The following WDFY3 variants were observed in gnomAD, a reference collection of about 807,000 sequenced individuals.
The protein encoded by WDFY3 is WD repeat and FYVE domain containing 3.
A neutral mutation model predicts 409.6 loss-of-function variants in WDFY3; 66 were observed. The observed-to-expected ratio is 0.16, with a 90% CI of 0.13 to 0.20. The LOEUF (loss-of-function observed/expected upper bound fraction) is 0.20. WDFY3 is among the 10% of genes least tolerant of loss of function. The probability of loss-of-function intolerance (pLI) is 1.00; values close to 1 mark genes in which losing one functional copy is unlikely to be tolerated. For missense variants in WDFY3, 3,031 were observed against 4,298.1 expected (o/e 0.71, Z 8.24); for synonymous variants, 1,521 against 1,537.1 (o/e 0.99, Z 0.25).
chr4:84,734,923 C>G, intron 43 of WDFY3, 120 bp downstream of exon 43: 1 of 769,274 alleles, frequency 1.3e-6, no homozygotes, highest in South Asian at 1.8e-5. Flanking sequence ...AAACCATCAT[C>G]TGATGACGAA....
chr4:84,910,180 T>C (rs1214517213), intron 2 of WDFY3, among the ~76,000 whole-genome samples: 2 of 152,172 alleles, frequency 1.3e-5, no homozygotes, highest in East Asian at 3.9e-4. Flanking sequence ...TTCGGTATTA[T>C]AAGTAATCTA....
chr4:84,888,146 A>G (rs1764470654), intron 3 of WDFY3, among the ~76,000 whole-genome samples: 1 of 152,206 alleles, frequency 6.6e-6, no homozygotes, highest in African/African-American at 2.4e-5. Flanking sequence ...CAAATCTGCC[A>G]CAATCCTAAC....
At chr4:84,733,360 T>C in intron 44 of WDFY3, 22 bp downstream of exon 44, 1 of 1,607,378 alleles carries the variant, frequency 6.2e-7, no homozygotes, top group Non-Finnish European at 8.5e-7. Context: ...GCCATTGTGA[T>C]CATTGAATTC....
rs373789194 is a variant in WDFY3 at position 84,696,228 on chromosome 4, T to G, written c.8689-46A>C. ...TTAGTCACTGGCTGACTTCTATTACTTGCTCAGAGACTAGAAAAACCTTGG... is the reference window on the plus strand; with the variant it reads ...TTAGTCACTGGCTGACTTCTATTACGTGCTCAGAGACTAGAAAAACCTTGG... On this transcript the variant is annotated intron_variant, in intron 57 of 67. Coordinates refer to ENST00000295888, the MANE Select transcript of WDFY3 (RefSeq NM_014991.6). 40 of 1,584,936 alleles carry G rather than the reference T, an allele frequency of 2.5e-5. No individual in the cohort carries two copies. In the African/African-American group the frequency reaches 5.0e-4, roughly 20 times the overall value.
At chr4:84,887,978 AAGGGTGTAACC>A (rs1487470419) in intron 3 of WDFY3, among the ~76,000 whole-genome samples, 2 of 152,186 alleles carry the variant, frequency 1.3e-5, no homozygotes, top group African/African-American at 2.4e-5. Context: ...ATCTTCCACC[AAGGGTGTAACC>A]AGATTGGTGA....
chr4:84,747,349 C>T (rs1015726745), intron 36 of WDFY3, among the ~76,000 whole-genome samples: 2 of 152,176 alleles, frequency 1.3e-5, no homozygotes, highest in African/African-American at 4.8e-5. Flanking sequence ...GATTTTGAGA[C>T]TCCTGATTCT....
chr4:84,819,400 A>C (rs13135979), intron 12 of WDFY3, among the ~76,000 whole-genome samples: 1 of 152,176 alleles, frequency 6.6e-6, no homozygotes, highest in Admixed American at 6.6e-5. Context: ...CAAGCTCCTT[A>C]CCATGGCCTA....
chr4:84,774,111 A>T (rs1745155679), intron 29 of WDFY3, among the ~76,000 whole-genome samples: 1 of 152,248 alleles, frequency 6.6e-6, no homozygotes, highest in Non-Finnish European at 1.5e-5. Context: ...CATGAGAATA[A>T]CTGAATAAAT....
At position 84,688,137 on chromosome 4, in the gene WDFY3, C is replaced by G; in HGVS notation, c.9492G>C (p.Gln3164His). The G allele has an allele frequency of 6.2e-7, 1 of 1,614,156 alleles. No homozygotes were observed. The highest frequency in any genetic ancestry group is 8.5e-7 in the Non-Finnish European group (1 of 1,180,024). The change falls in exon 62 of 68, where the codon CAG becomes CAC. Residue 3164 changes from glutamine to histidine, a missense_variant. Transcript: ENST00000295888. ...WDLNKLSFLTQLRGHRAPVSA... is the reference protein window; with the variant it reads ...WDLNKLSFLTHLRGHRAPVSA... ...AAACTGGAGCTCGATGCCCTCGAAG[C>G]TGGGTTAGAAATGACAGTTTGTTCA...
intron 2 of WDFY3, among the ~76,000 whole-genome samples, chr4:84,913,927 T>C (rs1768116185): frequency 6.6e-6 from 1 of 152,128 alleles, no homozygotes; most frequent in African/African-American, 2.4e-5. Context: ...CTCCTCAGCC[T>C]ACTCAATGTG....
chr4:84,704,583 G>A, intron 54 of WDFY3, 139 bp from the exon 55 acceptor site: 1 of 594,538 alleles, frequency 1.7e-6, no homozygotes, highest in Non-Finnish European at 2.8e-6. Flanking sequence ...ATTTGCAGCA[G>A]GAAAACTTCA....
chr4:84,935,067 T>C (rs967569627), intron 1 of WDFY3, among the ~76,000 whole-genome samples: 3 of 152,184 alleles, frequency 2.0e-5, no homozygotes, highest in Non-Finnish European at 4.4e-5. Context: ...TCATTTTCAC[T>C]GCAGAATAAT....
chr4:84,749,266 T>C (rs1740062545), intron 36 of WDFY3, among the ~76,000 whole-genome samples: 1 of 152,208 alleles, frequency 6.6e-6, no homozygotes, highest in Admixed American at 6.5e-5. Flanking sequence ...TATAATTTAT[T>C]CTGTTACACC....
chr4:84,728,856 A>G (rs1389099557), intron 44 of WDFY3, among the ~76,000 whole-genome samples: 1 of 152,214 alleles, frequency 6.6e-6, no homozygotes. Context: ...TTAAATTATT[A>G]CTATAATTCT....
At chr4:84,737,421 T>A in intron 40 of WDFY3, 55 bp from the exon 41 acceptor site, 1 of 1,478,694 alleles carries the variant, frequency 6.8e-7, no homozygotes, top group Admixed American at 2.5e-5. Flanking sequence ...CAAAACACAG[T>A]ATAAAGTTAG....
rs1251859373 is a variant in WDFY3 at position 84,780,249 on chromosome 4, A to G, written c.4224T>C (p.Val1408=). 6.2e-7 allele frequency: 1 copy of G among 1,613,998 alleles called. No individual in the cohort carries two copies. The highest frequency in any genetic ancestry group is 1.7e-5 in the Admixed American group (1 of 60,006). ...PKPVATTLQY[V]GGAAAILGLV... ...GGCCCAGGATGGCTGCAGCTCCACC[A>G]ACGTACTGCAAAGTAGTGGCAACAG... Residue 1408 remains valine (V), a synonymous_variant, in exon 26 of 68, where the codon GTT becomes GTC. Transcript: ENST00000295888.
Position 84,850,926 on chromosome 4 carries a change from CTGTTTTTTTTTTTTTTTT to C in WDFY3, c.181-919_181-902del, listed in dbSNP as rs1171046485. ...AATTCTTATTTTTAATTTTATTTAT[CTGTTTTTTTTTTTTTTTT>C]TTTTTTTTTTTTTTTTTTTTTTTTT... On this transcript the variant is annotated intron_variant, in intron 4 of 67. Transcript: ENST00000295888. Among the ~76,000 whole-genome samples, 22 of 32,162 alleles carry C rather than the reference CTGTTTTTTTTTTTTTTTT, an allele frequency of 6.8e-4. 1 individual carries two copies. The highest frequency in any genetic ancestry group is 1.7e-3 in the African/African-American group (14 of 8,242). 21.1% of individuals were successfully genotyped at this position (32,162 alleles called of 152,430 possible).
chr4:84,881,904 GA>G lies in WDFY3; in HGVS notation c.-32+15006del, dbSNP rs1763590486. ...TCCAAAAAAAAAAAAAGATTATTAA[GA>G]TCTATTATTAAGATCTACTTTTCTG... On this transcript the variant is annotated intron_variant, in intron 3 of 67. Transcript: ENST00000295888. Among the ~76,000 whole-genome samples, 3 of 151,788 alleles carry G rather than the reference GA, an allele frequency of 2.0e-5. No homozygotes were observed. The South Asian group carries it at 6.2e-4, about 32-fold the overall frequency.
intron 2 of WDFY3, among the ~76,000 whole-genome samples, chr4:84,912,020 G>A (rs1030868209): frequency 6.6e-6 from 1 of 152,142 alleles, no homozygotes; most frequent in Non-Finnish European, 1.5e-5. Context: ...AACACTGTGC[G>A]ATGCTAATTA....
Sources: allele counts gnomAD v4.1 joint callset (sites outside exome capture counted in the v4.1 genomes callset), GRCh38; gene constraint gnomAD v4.1.1; transcripts MANE v1.5; gene names NCBI Gene and HGNC (gene_info 2026-07-23, HGNC 2026-07-21).